The following KIRREL3 variants were observed in gnomAD, a reference collection of about 807,000 sequenced individuals.
KIRREL3 encodes kin of IRRE-like protein 3.
Under a neutral mutation model 89.7 loss-of-function variants are expected in KIRREL3, and 36 were observed. That is an observed-to-expected ratio of 0.40 (90% CI 0.31 to 0.53). The LOEUF (loss-of-function observed/expected upper bound fraction) is 0.53. Ranked by LOEUF, KIRREL3 falls within the 20% of genes least tolerant of loss-of-function variation. The pLI, the probability that KIRREL3 is intolerant of heterozygous loss-of-function variation, is 0.49. For missense variants in KIRREL3, 864 were observed against 1,056.6 expected (o/e 0.82, Z 2.53); for synonymous variants, 445 against 441.4 (o/e 1.01, Z -0.10).
rs1948636140 is a variant in KIRREL3, at chr11:126,946,972, G to A, written c.55+53483C>T. Among the ~76,000 whole-genome samples, 1 of 152,150 alleles carries A rather than the reference G, an allele frequency of 6.6e-6. No homozygotes were observed. Among genetic ancestry groups the A allele is most frequent in the South Asian group, 2.1e-4 (1 of 4,824 alleles). On this transcript the variant is annotated intron_variant, in intron 1 of 16. Transcript: ENST00000525144. The surrounding 1 kb of genome is among the most constrained non-coding windows in gnomAD (Gnocchi z 4.1). ...CTTCCTAGGCACACTGCTTGCAAAT[G>A]GCAGAAAGAACCAGAAATCTTATCC...
Position 126,569,320 on chromosome 11 carries a change from T to C in KIRREL3, c.56-6408A>G, listed in dbSNP as rs564166751. Among the ~76,000 whole-genome samples the C allele has an allele frequency of 3.3e-5, 5 of 152,310 alleles. No homozygotes were observed. The highest frequency in any genetic ancestry group is 1.2e-4 in the African/African-American group (5 of 41,566). The stretch of plus-strand genomic sequence containing the variant: ...GAAGGAGTTCTAGGCTGAAGAAATA[T>C]TTTTAACCAGTTGCGTTGACCTCAG... On this transcript the variant is annotated intron_variant, in intron 1 of 16. Coordinates refer to ENST00000525144, the MANE Select transcript of KIRREL3 (RefSeq NM_032531.4). This position sits in a 1 kb window ranked among gnomAD's most constrained non-coding sequence, Gnocchi z 6.5.
intron 1 of KIRREL3, among the ~76,000 whole-genome samples, chr11:126,621,339 C>T (rs750811577): frequency 3.9e-5 from 6 of 152,116 alleles, no homozygotes; most frequent in African/African-American, 1.4e-4. Context: ...TAGTACCCAG[C>T]TAAAGGAAAA....
chr11:126,854,053 C>CT (rs1191420267), intron 1 of KIRREL3, among the ~76,000 whole-genome samples: 92 of 145,870 alleles, frequency 6.3e-4, no homozygotes, highest in Non-Finnish European at 9.1e-4. Context: ...GATTGTGGAT[C>CT]TTTTTTTTTT....
chr11:126,516,566 A>G lies in KIRREL3; in HGVS notation c.433+4749T>C, dbSNP rs1344740214. Among the ~76,000 whole-genome samples the G allele has an allele frequency of 6.6e-6, 1 of 152,160 alleles. No individual in the cohort carries two copies. Among genetic ancestry groups the G allele is most frequent in the Non-Finnish European group, 1.5e-5 (1 of 68,040 alleles). On this transcript the variant is annotated intron_variant, in intron 4 of 16. Transcript: ENST00000525144. This position sits in a 1 kb window ranked among gnomAD's most constrained non-coding sequence, Gnocchi z 4.9. ...GTTTCCTGATGAATCCCACGTGTCTAGACTAGTGCTTGGCATATAACAGGT... is the reference window on the plus strand; with the variant it reads ...GTTTCCTGATGAATCCCACGTGTCTGGACTAGTGCTTGGCATATAACAGGT...
In KIRREL3 at chr11:126,443,131, T is replaced by C. The variant is rs1168135107; in HGVS notation, c.1252+1848A>G. ...GATGTCAGCTCCTCCTTTATCCACCTGCTTTTCCCCAGAAACGCCAATGCT... is the reference window on the plus strand; with the variant it reads ...GATGTCAGCTCCTCCTTTATCCACCCGCTTTTCCCCAGAAACGCCAATGCT... On this transcript the variant is annotated intron_variant, in intron 10 of 16. Transcript: ENST00000525144. The surrounding 1 kb of genome is among the most constrained non-coding windows in gnomAD (Gnocchi z 7.3). Among the ~76,000 whole-genome samples the C allele has an allele frequency of 6.6e-6, 1 of 152,206 alleles. No homozygotes were observed. Among genetic ancestry groups the C allele is most frequent in the Non-Finnish European group, 1.5e-5 (1 of 68,028 alleles).
chr11:126,435,880 T>C (rs904194100), intron 12 of KIRREL3, among the ~76,000 whole-genome samples: 1 of 152,054 alleles, frequency 6.6e-6, no homozygotes, highest in South Asian at 2.1e-4. Flanking sequence ...TGAGGCCTCC[T>C]GGGCCTCAGA....
In KIRREL3 at chr11:126,710,325, A is replaced by C. The variant is rs1050214753; in HGVS notation, c.56-147413T>G. 1.3e-5 allele frequency among the ~76,000 whole-genome samples: 2 copies of C among 152,172 alleles called. No homozygotes were observed. The highest frequency in any genetic ancestry group is 4.8e-5 in the African/African-American group (2 of 41,438). On this transcript the variant is annotated intron_variant, in intron 1 of 16. Transcript: ENST00000525144. This position sits in a 1 kb window ranked among gnomAD's most constrained non-coding sequence, Gnocchi z 4.2. Reference sequence around the variant, plus strand: ...TCACAAAGCTGAGGAGAGAAGGGAGATAGCTAGCTCAGTGTGGCACCCCAT... The same window carrying C: ...TCACAAAGCTGAGGAGAGAAGGGAGCTAGCTAGCTCAGTGTGGCACCCCAT...
chr11:126,550,704 A>G lies in KIRREL3; in HGVS notation c.133+12131T>C, dbSNP rs974829801. 1 of 152,186 alleles carries G rather than the reference A, an allele frequency of 6.6e-6. No individual in the cohort carries two copies. Among genetic ancestry groups the G allele is most frequent in the Admixed American group, 6.5e-5 (1 of 15,272 alleles). The allele number at this position is 152,186 out of a possible 1,614,324, so 9.4% of individuals were successfully genotyped here. ...TAGTCGCAATGATAAAAGGAAAACC[A>G]GAACCAAAACAGCCACAAAAACAGC... On this transcript the variant is annotated intron_variant, in intron 2 of 16. Coordinates refer to ENST00000525144, the MANE Select transcript of KIRREL3 (RefSeq NM_032531.4). This position sits in a 1 kb window ranked among gnomAD's most constrained non-coding sequence, Gnocchi z 4.9.
rs1259094595 is a variant in KIRREL3, at chr11:126,457,307, GTC to G, written c.743-855_743-854del. ...TGTGTATGTGTGTATGCGTGTGTAT[GTC>G]TCTGTGTGTATGCATGTGTATGTGT... On this transcript the variant is annotated intron_variant, in intron 6 of 16. Transcript: ENST00000525144. Among the ~76,000 whole-genome samples the G allele has an allele frequency of 2.1e-4, 32 of 151,584 alleles. 1 individual carries two copies. The highest frequency in any genetic ancestry group is 5.3e-4 in the African/African-American group (22 of 41,300).
intron 1 of KIRREL3, among the ~76,000 whole-genome samples, chr11:126,934,039 T>A (rs1408939362): frequency 6.6e-6 from 1 of 151,102 alleles, no homozygotes; most frequent in Non-Finnish European, 1.5e-5. Flanking sequence ...AGTTGGAGCA[T>A]TTAAATTTCC....
intron 5 of KIRREL3, among the ~76,000 whole-genome samples, chr11:126,464,077 C>G (rs987126284): frequency 1.3e-5 from 2 of 152,098 alleles, no homozygotes; most frequent in African/African-American, 4.8e-5. Context: ...TACCAGGAAC[C>G]TCAGAATATG....
rs1269508169 is a variant in KIRREL3, at chr11:126,843,828, C to T, written c.55+156627G>A. On this transcript the variant is annotated intron_variant, in intron 1 of 16. Transcript: ENST00000525144. This position sits in a 1 kb window ranked among gnomAD's most constrained non-coding sequence, Gnocchi z 4.6. ...ACCTCTGGTCATCCTCACTGCTACA[C>T]TCCCACCCGTGCCATGACAGTTTAC... 6.6e-6 allele frequency among the ~76,000 whole-genome samples: 1 copy of T among 152,166 alleles called. No individual in the cohort carries two copies. The highest frequency in any genetic ancestry group is 1.9e-4 in the East Asian group (1 of 5,178).
intron 1 of KIRREL3, among the ~76,000 whole-genome samples, chr11:126,847,052 C>T (rs1427842595): frequency 1.3e-5 from 2 of 152,094 alleles, no homozygotes; most frequent in African/African-American, 2.4e-5. Flanking sequence ...GAAGATCTTA[C>T]CTTATGGTCA....
chr11:126,549,011 T>C (rs1288781906), intron 2 of KIRREL3, among the ~76,000 whole-genome samples: 1 of 152,122 alleles, frequency 6.6e-6, no homozygotes, highest in African/African-American at 2.4e-5. Context: ...TGAGAACAGG[T>C]TAGTGTTGTG....
Position 126,958,357 on chromosome 11 carries a change from G to A in KIRREL3, c.55+42098C>T, listed in dbSNP as rs7125474. Among the ~76,000 whole-genome samples the A allele has an allele frequency of 4.5e-3, 679 of 152,324 alleles. 3 individuals are homozygous for A. The highest frequency in any genetic ancestry group is 6.3e-3 in the Non-Finnish European group (430 of 68,020). ...TCTGACATTGGCCAAGTGTCTATAA[G>A]AGGCTCCTCCATTTGAGCCCAACTC... is the stretch of plus-strand genomic sequence containing the variant. On this transcript the variant is annotated intron_variant, in intron 1 of 16. Coordinates refer to ENST00000525144, the MANE Select transcript of KIRREL3 (RefSeq NM_032531.4).
At chr11:126,895,719 A>T (rs1303345153) in intron 1 of KIRREL3, among the ~76,000 whole-genome samples, 1 of 152,118 alleles carries the variant, frequency 6.6e-6, no homozygotes, top group African/African-American at 2.4e-5. Flanking sequence ...GGAGTGTTGC[A>T]TTCCCCAGCC....
intron 4 of KIRREL3, among the ~76,000 whole-genome samples, chr11:126,473,949 A>G (rs1214496351): frequency 7.1e-6 from 1 of 140,886 alleles, no homozygotes; most frequent in Admixed American, 7.2e-5. Context: ...ACGTGGTACC[A>G]TGCCCGGCTA....
At chr11:126,951,322 T>C (rs1948767729) in intron 1 of KIRREL3, among the ~76,000 whole-genome samples, 1 of 152,220 alleles carries the variant, frequency 6.6e-6, no homozygotes, top group South Asian at 2.1e-4. Context: ...TATTTGATAA[T>C]GGACTCTCAT....
At chr11:126,749,975 A>G (rs1295908929) in intron 1 of KIRREL3, among the ~76,000 whole-genome samples, 2 of 152,160 alleles carry the variant, frequency 1.3e-5, no homozygotes, top group African/African-American at 2.4e-5. Flanking sequence ...AGGTCTGCTC[A>G]TCTGTTTACT....
Sources: allele counts gnomAD v4.1 joint callset (sites outside exome capture counted in the v4.1 genomes callset), GRCh38; gene constraint gnomAD v4.1.1; non-coding constraint Gnocchi (gnomAD v3.1); transcripts MANE v1.5; gene names NCBI Gene and HGNC (gene_info 2026-07-23, HGNC 2026-07-21).